Variants in AP3S1 observed in about 807,000 individuals in gnomAD.
The protein encoded by AP3S1 is AP-3 complex subunit sigma-1.
AP3S1 carries 12 observed loss-of-function variants against 21.3 expected under a neutral mutation model. The observed-to-expected ratio is 0.56, with a 90% confidence interval of 0.36 to 0.91. The LOEUF (loss-of-function observed/expected upper bound fraction) is 0.91. AP3S1 is among the 40% of genes least tolerant of loss of function. AP3S1 has a pLI of 0.01. For missense variants in AP3S1, 116 were observed against 225.0 expected, an observed-to-expected ratio of 0.52 and a Z score of 3.10; for synonymous variants, 48 against 78.4, an observed-to-expected ratio of 0.61 and a Z score of 2.05.
chr5:115,865,364 A>G (rs908666316), intron 1 of AP3S1, among the ~76,000 whole-genome samples: 10 of 152,200 alleles, frequency 6.6e-5, no homozygotes, highest in African/African-American at 2.4e-4. Flanking sequence ...AAACTTATGC[A>G]TAGATTTCCA....
intron 4 of AP3S1, among the ~76,000 whole-genome samples, chr5:115,896,959 A>T (rs933825660): frequency 6.6e-6 from 1 of 152,104 alleles, no homozygotes; most frequent in Non-Finnish European, 1.5e-5. Context: ...TTTTTTTACT[A>T]GAGAAAGAGA....
chr5:115,890,379 G>A (rs1580713296), intron 3 of AP3S1, among the ~76,000 whole-genome samples: 1 of 152,028 alleles, frequency 6.6e-6, no homozygotes, highest in Admixed American at 6.6e-5. Context: ...AAATAACAAT[G>A]AATAAAAGAA....
At chr5:115,866,933 TG>T (rs1250677249) in intron 2 of AP3S1, among the ~76,000 whole-genome samples, 172 bp downstream of exon 2, 3 of 152,132 alleles carry the variant, frequency 2.0e-5, no homozygotes, top group Non-Finnish European at 4.4e-5. Flanking sequence ...TTAAAAGATA[TG>T]CAATCTTTTT....
chr5:115,880,802 T>C (rs1320171381), intron 3 of AP3S1, among the ~76,000 whole-genome samples: 1 of 152,170 alleles, frequency 6.6e-6, no homozygotes, highest in African/African-American at 2.4e-5. Context: ...CAATGGGGTG[T>C]TAAACTCTCC....
At chr5:115,880,760 A>G (rs538528196) in intron 3 of AP3S1, among the ~76,000 whole-genome samples, 23 of 152,084 alleles carry the variant, frequency 1.5e-4, no homozygotes, top group African/African-American at 5.3e-4. Context: ...ATCCTTGTTA[A>G]TTTTCTGTCT....
intron 3 of AP3S1, among the ~76,000 whole-genome samples, chr5:115,887,483 G>A (rs1459294943): frequency 6.6e-6 from 1 of 151,718 alleles, no homozygotes; most frequent in Non-Finnish European, 1.5e-5. Context: ...ACTCAAAAAG[G>A]GGTCTGCCAA....
chr5:115,887,520 TG>T (rs1365330670), intron 3 of AP3S1, among the ~76,000 whole-genome samples: 1 of 152,140 alleles, frequency 6.6e-6, no homozygotes, highest in Non-Finnish European at 1.5e-5. Flanking sequence ...AAGGGTAATT[TG>T]TGGTATTTTT....
intron 5 of AP3S1, chr5:115,904,055 G>C (rs995287124): frequency 1.3e-5 from 2 of 151,572 alleles, no homozygotes; most frequent in African/African-American, 4.9e-5. Flanking sequence ...GCACTCCTGG[G>C]CAACAGAGTA....
At chr5:115,857,530 T>C (rs1187779094) in intron 1 of AP3S1, among the ~76,000 whole-genome samples, 1 of 152,204 alleles carries the variant, frequency 6.6e-6, no homozygotes, top group Non-Finnish European at 1.5e-5. Context: ...TTTCCTTCTT[T>C]TAGTTTGTTT....
At chr5:115,890,853 C>T (rs1396190646) in intron 3 of AP3S1, among the ~76,000 whole-genome samples, 1 of 152,158 alleles carries the variant, frequency 6.6e-6, no homozygotes, top group African/African-American at 2.4e-5. Flanking sequence ...CAGATGTGCC[C>T]ATTAATAGGG....
intron 5 of AP3S1, among the ~76,000 whole-genome samples, chr5:115,907,513 T>G (rs749551638): frequency 8.5e-5 from 13 of 152,282 alleles, no homozygotes; most frequent in Middle Eastern, 3.4e-3. Flanking sequence ...ATCAGAAATC[T>G]TATAAAACTT....
At position 115,845,836 on chromosome 5, in the gene AP3S1, C is replaced by CAAAAAAAAA. The variant is rs755171274; in HGVS notation, c.69+3760_69+3768dup. Among the ~76,000 whole-genome samples the CAAAAAAAAA allele has an allele frequency of 9.3e-4, 32 of 34,452 alleles. 5 individuals carry two copies. Among genetic ancestry groups the CAAAAAAAAA allele is most frequent in the Non-Finnish European group, 1.5e-3 (27 of 17,804 alleles). The allele number at this position is 34,452 out of a possible 152,430, so 22.6% of individuals were successfully genotyped here. ...TGGGTGACAGAGTGAGACTCCATCT[C>CAAAAAAAAA]AAAAAAAAAAAAAAAAAAAAAAAAA... On this transcript the variant is annotated intron_variant, in intron 1 of 5. Transcript: ENST00000316788.
intron 1 of AP3S1, among the ~76,000 whole-genome samples, chr5:115,856,977 C>T (rs955907365): frequency 3.9e-5 from 6 of 152,156 alleles, no homozygotes; most frequent in African/African-American, 1.4e-4. Flanking sequence ...TCCTTTTATT[C>T]CCACCACCAG....
chr5:115,859,312 C>T (rs1040530192), intron 1 of AP3S1, among the ~76,000 whole-genome samples: 2 of 151,548 alleles, frequency 1.3e-5, no homozygotes, highest in African/African-American at 2.4e-5. Flanking sequence ...CAACTAGAAC[C>T]TTTCATGTGG....
At chr5:115,882,840 G>C (rs927659211) in intron 3 of AP3S1, among the ~76,000 whole-genome samples, 2 of 152,210 alleles carry the variant, frequency 1.3e-5, no homozygotes, top group South Asian at 4.1e-4. Flanking sequence ...AGGGAGATGG[G>C]AGTTTTATCT....
In AP3S1 at chr5:115,861,714, C is replaced by T. The variant is rs145133615; in HGVS notation, c.70-4956C>T. 1.3e-3 allele frequency among the ~76,000 whole-genome samples: 195 copies of T among 151,902 alleles called. 1 individual carries two copies. Among genetic ancestry groups the T allele is most frequent in the African/African-American group, 4.3e-3 (178 of 41,408 alleles). The stretch of plus-strand genomic sequence containing the variant: ...GGACTACAGACATGCACTACCATGC[C>T]TGGGTAATTTTTTGTAGAGACAGGG... On this transcript the variant is annotated intron_variant, in intron 1 of 5. Transcript: ENST00000316788.
chr5:115,885,008 A>T (rs1054445757), intron 3 of AP3S1, among the ~76,000 whole-genome samples: 4 of 152,192 alleles, frequency 2.6e-5, no homozygotes, highest in African/African-American at 9.7e-5. Flanking sequence ...TTATGAACTT[A>T]ACTATTATTA....
chr5:115,899,331 A>G (rs1042704579), intron 4 of AP3S1, among the ~76,000 whole-genome samples: 2 of 152,252 alleles, frequency 1.3e-5, no homozygotes, highest in African/African-American at 4.8e-5. Flanking sequence ...ACAGTAAGCC[A>G]ATAGAAAGAA....
rs1227779813 is a variant in AP3S1 at position 115,904,679 on chromosome 5, ATAATT to A, written c.453+1695_453+1699del. On this transcript the variant is annotated intron_variant, in intron 5 of 5. Coordinates refer to ENST00000316788, the MANE Select transcript of AP3S1 (RefSeq NM_001284.4). ...TGTTTTAGGACAAGGAAAAAGACTC[ATAATT>A]TAATTTAGTATAACTGACTTGCAAT... is the stretch of plus-strand genomic sequence containing the variant. Among the ~76,000 whole-genome samples, 4 of 152,222 alleles carry A rather than the reference ATAATT, an allele frequency of 2.6e-5. No homozygotes were observed. In the East Asian group the frequency reaches 7.7e-4, roughly 29 times the overall value.
Sources: gnomAD v4.1 joint callset for allele counts (sites outside exome capture counted in the v4.1 genomes callset) on GRCh38, gnomAD v4.1.1 for gene constraint, MANE v1.5 for transcripts, NCBI Gene and HGNC (gene_info 2026-07-23, HGNC 2026-07-21) for gene names.